The following CACNA2D3 variants were observed in gnomAD, a reference collection of about 807,000 sequenced individuals.
The protein encoded by CACNA2D3 is calcium voltage-gated channel auxiliary subunit alpha2delta 3.
A neutral mutation model predicts 160.6 loss-of-function variants in CACNA2D3; 60 were observed. The observed-to-expected ratio is 0.37, with a 90% CI of 0.30 to 0.46. The LOEUF (loss-of-function observed/expected upper bound fraction) is 0.46, where lower values mean the gene tolerates loss of function less well. Among genes scored for constraint, CACNA2D3 ranks in the 20% least tolerant of loss-of-function variants. CACNA2D3 has a pLI of 1.00. For missense variants in CACNA2D3, 1,205 were observed against 1,365.0 expected (o/e 0.88, Z 1.85); for synonymous variants, 558 against 492.9 (o/e 1.13, Z -1.75).
At chr3:55,030,884 G>A (rs970218470) in intron 35 of CACNA2D3, among the ~76,000 whole-genome samples, 1 of 152,102 alleles carries the variant, frequency 6.6e-6, no homozygotes, top group Non-Finnish European at 1.5e-5. Context: ...ATAAATTACT[G>A]TTTTCCCTCC....
At chr3:54,945,882 G>A (rs532363611) in intron 27 of CACNA2D3, among the ~76,000 whole-genome samples, 16 of 152,302 alleles carry the variant, frequency 1.1e-4, no homozygotes, top group South Asian at 2.1e-4. Flanking sequence ...AATGCCAGGC[G>A]TAGGTAGGGT....
intron 4 of CACNA2D3, among the ~76,000 whole-genome samples, chr3:54,449,793 C>T (rs1262535913): frequency 2.6e-5 from 4 of 152,168 alleles, no homozygotes; most frequent in Non-Finnish European, 5.9e-5. Context: ...AAGCAGAAGC[C>T]ACTGTGCTTC....
chr3:54,273,873 T>A (rs1417504939), intron 2 of CACNA2D3, among the ~76,000 whole-genome samples: 4 of 152,142 alleles, frequency 2.6e-5, no homozygotes, highest in Non-Finnish European at 4.4e-5. Flanking sequence ...GATGGCCTTA[T>A]CTCTAGGGCA....
At chr3:54,791,030 C>T (rs1175747766) in intron 13 of CACNA2D3, among the ~76,000 whole-genome samples, 1 of 111,232 alleles carries the variant, frequency 9.0e-6, no homozygotes, top group Non-Finnish European at 1.8e-5. Context: ...GATTTTGGCA[C>T]CTTCTTTGTA....
At chr3:54,475,041 G>C (rs1700804740) in intron 4 of CACNA2D3, among the ~76,000 whole-genome samples, 1 of 152,166 alleles carries the variant, frequency 6.6e-6, no homozygotes, top group South Asian at 2.1e-4. Context: ...ACTGAGCACA[G>C]ACTCTTGGGA....
chr3:54,741,106 A>G (rs73072299), intron 11 of CACNA2D3, among the ~76,000 whole-genome samples: 1 of 152,100 alleles, frequency 6.6e-6, no homozygotes, highest in Non-Finnish European at 1.5e-5. Context: ...ACTGATCCAG[A>G]GGCAGGGGGA....
rs934500569 is a variant in CACNA2D3 at position 54,351,861 on chromosome 3, C to T, written c.321+31303C>T. The stretch of plus-strand genomic sequence containing the variant: ...ATAAAATGCAGATGCCTAATCTTAG[C>T]ATTCAAAGATCTCGCAGAGTGGTCT... On this transcript the variant is annotated intron_variant, in intron 3 of 37. Coordinates refer to ENST00000474759, the MANE Select transcript of CACNA2D3 (RefSeq NM_018398.3). 2.6e-5 allele frequency among the ~76,000 whole-genome samples: 4 copies of T among 152,334 alleles called. No homozygotes were observed. The East Asian group carries it at 7.7e-4, about 29-fold the overall frequency.
At chr3:54,861,399 G>A (rs1041644327) in intron 17 of CACNA2D3, among the ~76,000 whole-genome samples, 4 of 152,176 alleles carry the variant, frequency 2.6e-5, no homozygotes, top group African/African-American at 9.7e-5. Flanking sequence ...TCTAGCTGGG[G>A]AGTACAGTGA....
At chr3:55,022,416 G>A (rs1703475757) in intron 35 of CACNA2D3, among the ~76,000 whole-genome samples, 1 of 151,782 alleles carries the variant, frequency 6.6e-6, no homozygotes, top group Admixed American at 6.6e-5. Flanking sequence ...TATTATTTCT[G>A]TTATCTGATA....
chr3:54,171,135 A>ATTTTTTTTTTTTTT (rs1700557445), intron 2 of CACNA2D3, among the ~76,000 whole-genome samples: 2 of 18,754 alleles, frequency 1.1e-4, no homozygotes, highest in Admixed American at 5.9e-4. Flanking sequence ...AAAGATGATG[A>ATTTTTTTTTTTTTT]CTTTTTTTTT....
intron 2 of CACNA2D3, among the ~76,000 whole-genome samples, chr3:54,253,988 A>C (rs533674370): frequency 3.0e-4 from 46 of 152,030 alleles, no homozygotes; most frequent in African/African-American, 1.0e-3. Context: ...GCTGGTTTTA[A>C]ACTCCTGACC....
At chr3:54,937,410 C>G (rs1406585422) in intron 27 of CACNA2D3, among the ~76,000 whole-genome samples, 2 of 152,172 alleles carry the variant, frequency 1.3e-5, no homozygotes, top group African/African-American at 4.8e-5. Flanking sequence ...TGTGCTTGCA[C>G]CAGTCCTGCA....
intron 5 of CACNA2D3, among the ~76,000 whole-genome samples, chr3:54,511,035 C>G (rs887272935): frequency 3.3e-5 from 5 of 152,210 alleles, no homozygotes; most frequent in Admixed American, 1.3e-4. Context: ...CTACCCCATT[C>G]CCCCTCTTCC....
intron 31 of CACNA2D3, among the ~76,000 whole-genome samples, chr3:54,993,452 A>G (rs1702785415): frequency 6.6e-6 from 1 of 152,212 alleles, no homozygotes; most frequent in East Asian, 1.9e-4. Context: ...ATGAAGTGCC[A>G]TTTGTTACAT....
At chr3:54,626,112 C>A (rs1699093556) in intron 9 of CACNA2D3, 1 of 609,616 alleles carries the variant, frequency 1.6e-6, no homozygotes, top group South Asian at 2.0e-5. Flanking sequence ...AGTGGGGATG[C>A]CTTTGGGGAG....
At chr3:54,810,048 C>G (rs978782290) in intron 13 of CACNA2D3, among the ~76,000 whole-genome samples, 1 of 152,164 alleles carries the variant, frequency 6.6e-6, no homozygotes, top group Admixed American at 6.5e-5. Context: ...GAGGTGCCAT[C>G]AGAGCTGAGA....
At chr3:54,759,356 C>T (rs1219789033) in intron 12 of CACNA2D3, among the ~76,000 whole-genome samples, 2 of 151,770 alleles carry the variant, frequency 1.3e-5, no homozygotes, top group South Asian at 2.1e-4. Context: ...GGAAAGTGGC[C>T]AGCTGAGAGA....
At chr3:54,281,747 A>G (rs1458260888) in intron 2 of CACNA2D3, among the ~76,000 whole-genome samples, 2 of 152,244 alleles carry the variant, frequency 1.3e-5, no homozygotes, top group African/African-American at 2.4e-5. Flanking sequence ...TAAGCTCTGT[A>G]TTCATGCAGA....
chr3:55,001,495 C>T (rs1559460122), intron 31 of CACNA2D3, among the ~76,000 whole-genome samples: 1 of 152,168 alleles, frequency 6.6e-6, no homozygotes, highest in African/African-American at 2.4e-5. Flanking sequence ...TATGACCACC[C>T]TATAAGGTAG....
Sources: allele counts gnomAD v4.1 joint callset (sites outside exome capture counted in the v4.1 genomes callset), GRCh38; gene constraint gnomAD v4.1.1; transcripts MANE v1.5; gene names NCBI Gene and HGNC (gene_info 2026-07-23, HGNC 2026-07-21).